The following PECAM1 variants were observed in gnomAD, a reference collection of about 807,000 sequenced individuals.
PECAM1 encodes the protein platelet and endothelial cell adhesion molecule 1.
A neutral mutation model predicts 13.8 loss-of-function variants in PECAM1; 8 were observed. The observed-to-expected ratio is 0.58, with a 90% CI of 0.34 to 1.05. The LOEUF (loss-of-function observed/expected upper bound fraction) is 1.05, where lower values mean the gene tolerates loss of function less well. Ranked by LOEUF, PECAM1 falls within the 50% of genes least tolerant of loss-of-function variation. The pLI, the probability that PECAM1 is intolerant of heterozygous loss-of-function variation, is 0.03. For missense variants in PECAM1, 304 were observed against 141.2 expected, an observed-to-expected ratio of 2.15 and a Z score of -5.84; for synonymous variants, 136 against 52.6, an observed-to-expected ratio of 2.58 and a Z score of -6.86.
chr17:64,362,847 AAAAAG>A (rs1229655645), intron 6 of PECAM1, among the ~76,000 whole-genome samples: 24 of 152,042 alleles, frequency 1.6e-4, no homozygotes, highest in African/African-American at 5.8e-4. Context: ...CAAAAAAAAA[AAAAAG>A]AAAAGTTTAA....
chr17:64,334,067 C>G (rs2035201052), intron 14 of PECAM1, among the ~76,000 whole-genome samples: 1 of 149,950 alleles, frequency 6.7e-6, no homozygotes, highest in South Asian at 2.1e-4. Context: ...GTGCTGTGTC[C>G]ATCCCCTAAC....
chr17:64,346,176 A>G (rs2035564163), intron 13 of PECAM1, among the ~76,000 whole-genome samples: 1 of 152,050 alleles, frequency 6.6e-6, no homozygotes, highest in African/African-American at 2.4e-5. Context: ...GATGGCAATG[A>G]TCCCAGGGAG....
rs1233738471 is a variant in PECAM1, at chr17:64,369,789, G to A, written c.928C>T (p.Arg310Cys). 7.5e-6 allele frequency: 3 copies of A among 398,622 alleles called. No homozygotes were observed. The highest frequency in any genetic ancestry group is 4.4e-6 in the Non-Finnish European group (1 of 226,092). 24.7% of individuals were successfully genotyped at this position (398,622 alleles called of 1,614,324 possible). Residue 310 changes from arginine to cysteine, a missense_variant, in exon 5 of 16, where the codon CGC becomes TGC. Transcript: ENST00000563924. ...GNYTCKVESSRISKVSSIVVN... is the reference protein window; with the variant it reads ...GNYTCKVESSCISKVSSIVVN... ...ACGATGCTGCTGACCTTGGATATGCGGCTGGACTCCACTTTGCACGTGTAG... is the reference window on the plus strand; with the variant it reads ...ACGATGCTGCTGACCTTGGATATGCAGCTGGACTCCACTTTGCACGTGTAG...
Position 64,323,849 on chromosome 17 carries a change from T to A in PECAM1, c.2188-4A>T, listed in dbSNP as rs1474783385. On this transcript the variant is annotated splice_region_variant and splice_polypyrimidine_tract_variant and intron_variant, in intron 15 of 15. Coordinates refer to ENST00000563924, the MANE Select transcript of PECAM1 (RefSeq NM_000442.5). ...CATCAAGGGAGCCTTCCGTTCTCTGTAGCGACAAGAAACAAGGCAAGTTAT... is the reference window on the plus strand; with the variant it reads ...CATCAAGGGAGCCTTCCGTTCTCTGAAGCGACAAGAAACAAGGCAAGTTAT... 18 of 808,666 alleles carry A rather than the reference T, an allele frequency of 2.2e-5. No individual in the cohort carries two copies. The highest frequency in any genetic ancestry group is 3.8e-5 in the Non-Finnish European group (17 of 443,596). The allele number at this position is 808,666 out of a possible 1,614,324, so 50.1% of individuals were successfully genotyped here. A position where few individuals can be genotyped will look rare whatever the true frequency, so the allele number is the denominator to read the frequency against.
At chr17:64,364,840 C>T (rs2036066703) in intron 5 of PECAM1, among the ~76,000 whole-genome samples, 1 of 150,784 alleles carries the variant, frequency 6.6e-6, no homozygotes, top group Admixed American at 6.6e-5. Context: ...TAAGAGCTAT[C>T]TATGACAAAC....
intron 12 of PECAM1, among the ~76,000 whole-genome samples, chr17:64,350,029 C>T (rs1038057712): frequency 2.8e-4 from 43 of 152,168 alleles, no homozygotes; most frequent in Admixed American, 9.2e-4. Context: ...GTGCTTCAGG[C>T]AGAAGAGAGC....
chr17:64,347,589 T>C (rs2035605327), intron 13 of PECAM1, among the ~76,000 whole-genome samples: 1 of 138,338 alleles, frequency 7.2e-6, no homozygotes, highest in East Asian at 2.0e-4. Flanking sequence ...ATAATATAAA[T>C]ATAAAAATAT....
At chr17:64,384,069 T>C (rs2036540562) in intron 2 of PECAM1, among the ~76,000 whole-genome samples, 1 of 152,136 alleles carries the variant, frequency 6.6e-6, no homozygotes, top group Non-Finnish European at 1.5e-5. Flanking sequence ...AGGTAGAGGT[T>C]GCAGTGAGCC....
intron 13 of PECAM1, among the ~76,000 whole-genome samples, chr17:64,342,535 GGGCT>G (rs1598009911): frequency 6.6e-5 from 10 of 152,172 alleles, no homozygotes; most frequent in African/African-American, 2.2e-4. Flanking sequence ...ATAGACAGCT[GGGCT>G]GGCTGTTTTC....
In PECAM1 at chr17:64,320,156, G is replaced by A. The variant is rs1555644239; in HGVS notation, c.*3660C>T. 6.6e-6 allele frequency: 1 copy of A among 152,234 alleles called. No homozygotes were observed. The highest frequency in any genetic ancestry group is 2.4e-5 in the African/African-American group (1 of 41,444). The allele number at this position is 152,234 out of a possible 1,614,324, so 9.4% of individuals were successfully genotyped here. A position where few individuals can be genotyped will look rare whatever the true frequency, so the allele number is the denominator to read the frequency against. ...GGCTGAAGCTGGCCTCTGTGGCAGA[G>A]GGTTTCTTCCCAACACGCCAATGAC... is the stretch of plus-strand genomic sequence containing the variant. On this transcript the variant is annotated 3_prime_UTR_variant, in exon 16 of 16. Transcript: ENST00000563924.
chr17:64,343,981 G>A (rs1230112814), intron 13 of PECAM1, among the ~76,000 whole-genome samples: 3 of 152,160 alleles, frequency 2.0e-5, no homozygotes, highest in African/African-American at 2.4e-5. Flanking sequence ...AAAGGTGATC[G>A]GGCCTGGTCC....
intron 4 of PECAM1, among the ~76,000 whole-genome samples, chr17:64,370,958 T>A (rs1413806458): frequency 1.3e-5 from 2 of 152,218 alleles, no homozygotes; most frequent in Non-Finnish European, 2.9e-5. Context: ...TTAGAAGTTA[T>A]CATAAAATAA....
At chr17:64,347,742 A>ATATATT (rs1388281784) in intron 13 of PECAM1, among the ~76,000 whole-genome samples, 2 of 144,482 alleles carry the variant, frequency 1.4e-5, no homozygotes, top group African/African-American at 5.1e-5. Flanking sequence ...ATATATATAT[A>ATATATT]TTTTTTGAGA....
chr17:64,323,783 G>T lies in PECAM1; in HGVS notation c.*33C>A. 9.7e-7 allele frequency: 1 copy of T among 1,033,276 alleles called. No homozygotes were observed. Among genetic ancestry groups the T allele is most frequent in the Non-Finnish European group, 1.5e-6 (1 of 649,382 alleles). The allele number at this position is 1,033,276 out of a possible 1,614,324, so 64.0% of individuals were successfully genotyped here. The stretch of plus-strand genomic sequence containing the variant: ...TATCTGTTCTTCTCGGAACATGGAT[G>T]TCCTTCCAGGGATGTGCATCTGGCC... On this transcript the variant is annotated 3_prime_UTR_variant, in exon 16 of 16. Transcript: ENST00000563924.
chr17:64,335,204 A>G (rs981731859), intron 14 of PECAM1, among the ~76,000 whole-genome samples: 1 of 152,316 alleles, frequency 6.6e-6, no homozygotes, highest in Admixed American at 6.5e-5. Flanking sequence ...AGAGAAGGTG[A>G]CCAAGGTCTT....
intron 10 of PECAM1, among the ~76,000 whole-genome samples, chr17:64,352,706 G>A (rs1469742661): frequency 6.6e-6 from 1 of 151,470 alleles, no homozygotes; most frequent in African/African-American, 2.4e-5. Context: ...CCAGGCTGGA[G>A]TGCAGCAGTG....
chr17:64,326,751 C>T (rs968691655), intron 15 of PECAM1, among the ~76,000 whole-genome samples: 5 of 152,208 alleles, frequency 3.3e-5, no homozygotes, highest in East Asian at 1.9e-4. Flanking sequence ...AAGGTTAACA[C>T]GCTCACATCC....
At chr17:64,340,298 G>A (rs1440121915) in intron 14 of PECAM1, among the ~76,000 whole-genome samples, 2 of 152,142 alleles carry the variant, frequency 1.3e-5, no homozygotes, top group Non-Finnish European at 2.9e-5. Flanking sequence ...TTTGCCGACT[G>A]TACTCGGAGG....
rs1442334566 is a variant in PECAM1 at position 64,320,390 on chromosome 17, TC to T, written c.*3425del. 6.6e-6 allele frequency: 1 copy of T among 152,392 alleles called. No individual in the cohort carries two copies. The highest frequency in any genetic ancestry group is 1.5e-5 in the Non-Finnish European group (1 of 68,230). 9.4% of individuals were successfully genotyped at this position (152,392 alleles called of 1,614,324 possible). ...GGTCTGACAGACTGCCCTGCTGCCATCCCTCCAGGGCACCCCCCACTCCCTT... is the reference window on the plus strand; with the variant it reads ...GGTCTGACAGACTGCCCTGCTGCCATCCTCCAGGGCACCCCCCACTCCCTT... On this transcript the variant is annotated 3_prime_UTR_variant, in exon 16 of 16. Transcript: ENST00000563924.
Sources: allele counts gnomAD v4.1 joint callset (sites outside exome capture counted in the v4.1 genomes callset), GRCh38; gene constraint gnomAD v4.1.1; transcripts MANE v1.5; gene names NCBI Gene and HGNC (gene_info 2026-07-23, HGNC 2026-07-21).